The following ATP9B variants were observed in gnomAD, a reference collection of about 807,000 sequenced individuals.
ATP9B encodes the protein ATPase phospholipid transporting 9B.
In ATP9B, 110 loss-of-function variants were observed where a neutral mutation model predicts 146.1. The observed-to-expected ratio is 0.75, with a 90% confidence interval of 0.65 to 0.88. ATP9B has a LOEUF of 0.88. Among genes scored for constraint, ATP9B ranks in the 40% least tolerant of loss-of-function variants. The probability of loss-of-function intolerance (pLI) is 0.00; values close to 1 mark genes in which losing one functional copy is unlikely to be tolerated. For synonymous variants in ATP9B, 604 were observed against 569.7 expected, an observed-to-expected ratio of 1.06 and a Z score of -0.86; for missense variants, 1,499 against 1,496.4, an observed-to-expected ratio of 1.00 and a Z score of -0.03.
intron 28 of ATP9B, among the ~76,000 whole-genome samples, chr18:79,374,547 C>T (rs1373006074): frequency 1.3e-5 from 2 of 152,132 alleles, no homozygotes; most frequent in Admixed American, 6.5e-5. Context: ...CGCTGAGCCC[C>T]GTCGGTCACT....
In ATP9B at chr18:79,337,331, C is replaced by T. The variant is rs772479284; in HGVS notation, c.2165C>T (p.Ala722Val). Residue 722 changes from alanine to valine, a missense_variant, in exon 19 of 30, where the codon GCC (alanine) becomes GTC (valine). Coordinates refer to ENST00000426216, the MANE Select transcript of ATP9B (RefSeq NM_198531.5). Reference sequence around the variant, plus strand: ...ATGCACGACAGGTCCCTCAAGGTGGCCGCGGTAGTCGAGAGCCTGGAGAGG... The same window carrying T: ...ATGCACGACAGGTCCCTCAAGGTGGTCGCGGTAGTCGAGAGCCTGGAGAGG... ...LSMHDRSLKV[A>V]AVVESLEREM... 6.2e-7 allele frequency: 1 copy of T among 1,614,124 alleles called. No individual in the cohort carries two copies. The highest frequency in any genetic ancestry group is 1.1e-5 in the South Asian group (1 of 91,080).
At chr18:79,177,609 AT>A (rs2095193566) in intron 8 of ATP9B, among the ~76,000 whole-genome samples, 1 of 152,218 alleles carries the variant, frequency 6.6e-6, no homozygotes, top group Admixed American at 6.5e-5. Context: ...ATATTTGCCA[AT>A]TAAAAAGTAC....
intron 10 of ATP9B, among the ~76,000 whole-genome samples, chr18:79,211,893 A>G (rs904044022): frequency 1.3e-5 from 2 of 152,182 alleles, no homozygotes; most frequent in Non-Finnish European, 2.9e-5. Flanking sequence ...AATATGGGTT[A>G]AAGTTTTGGA....
intron 7 of ATP9B, among the ~76,000 whole-genome samples, chr18:79,164,437 T>C (rs1274715177): frequency 6.6e-6 from 1 of 152,116 alleles, no homozygotes. Context: ...AATTGGTGAC[T>C]GGGCATGGTG....
rs573504269 is a variant in ATP9B at position 79,128,379 on chromosome 18, T to G, written c.667+2004T>G. 2.0e-4 allele frequency among the ~76,000 whole-genome samples: 30 copies of G among 152,298 alleles called. No homozygotes were observed. The East Asian group carries it at 4.1e-3, about 21-fold the overall frequency. ...CCTTTTGCCAACTTTTTAACTGGGTTGTTTGATTCATTTTGTGTATGGGGT... is the reference window on the plus strand; with the variant it reads ...CCTTTTGCCAACTTTTTAACTGGGTGGTTTGATTCATTTTGTGTATGGGGT... On this transcript the variant is annotated intron_variant, in intron 5 of 29. Coordinates refer to ENST00000426216, the MANE Select transcript of ATP9B (RefSeq NM_198531.5).
At chr18:79,180,740 A>G (rs73486178) in intron 8 of ATP9B, among the ~76,000 whole-genome samples, 8,525 of 151,996 alleles carry the variant, frequency 0.056, 744 homozygotes, top group African/African-American at 0.19. Context: ...GAAATCTGCT[A>G]GAGATTGTCA....
chr18:79,096,737 T>TA (rs2074816231), intron 2 of ATP9B, 88 bp downstream of exon 2: 5 of 1,068,150 alleles, frequency 4.7e-6, no homozygotes, highest in Non-Finnish European at 6.6e-6. Flanking sequence ...TATATTAATA[T>TA]AAAAACTCAA....
chr18:79,142,602 A>G (rs1285823388), intron 5 of ATP9B, among the ~76,000 whole-genome samples: 1 of 152,212 alleles, frequency 6.6e-6, no homozygotes, highest in Non-Finnish European at 1.5e-5. Context: ...GCTCATAGGA[A>G]TTAAAGTGGA....
rs1309220459 is a variant in ATP9B at position 79,193,386 on chromosome 18, A to C, written c.954+123A>C. On this transcript the variant is annotated intron_variant, in intron 9 of 29. Coordinates refer to ENST00000426216, the MANE Select transcript of ATP9B (RefSeq NM_198531.5). The stretch of plus-strand genomic sequence containing the variant: ...AGAAGTTTCAAACTAGGAAGGGAAA[A>C]CCTATATAATGTTTGAAGTTCTTAA... The C allele has an allele frequency of 3.8e-6, 3 of 797,402 alleles. No homozygotes were observed. In the Admixed American group the frequency reaches 7.8e-5, roughly 21 times the overall value. 49.4% of individuals were successfully genotyped at this position (797,402 alleles called of 1,614,324 possible).
At chr18:79,258,026 A>G (rs1312668829) in intron 12 of ATP9B, among the ~76,000 whole-genome samples, 1 of 152,216 alleles carries the variant, frequency 6.6e-6, no homozygotes, top group Admixed American at 6.5e-5. Context: ...TTTCTTTAGT[A>G]AAATAACATA....
intron 24 of ATP9B, 76 bp from the exon 25 acceptor site, chr18:79,348,056 G>A (rs138168027): frequency 1.9e-6 from 3 of 1,602,916 alleles, no homozygotes; most frequent in South Asian, 1.1e-5. Flanking sequence ...AGGAGTTAGC[G>A]AGGCCCCTGA....
intron 12 of ATP9B, among the ~76,000 whole-genome samples, chr18:79,266,245 T>C (rs2096202631): frequency 6.6e-6 from 1 of 152,154 alleles, no homozygotes; most frequent in South Asian, 2.1e-4. Flanking sequence ...GTCGTAAATA[T>C]CGTTCTTAAA....
intron 12 of ATP9B, among the ~76,000 whole-genome samples, chr18:79,264,266 T>A (rs925649628): frequency 1.3e-5 from 2 of 152,220 alleles, no homozygotes; most frequent in Non-Finnish European, 2.9e-5. Context: ...GGGCTTCTCA[T>A]TGCAGTTTTA....
intron 15 of ATP9B, among the ~76,000 whole-genome samples, chr18:79,328,097 G>A (rs1478657742): frequency 8.0e-5 from 12 of 149,090 alleles, no homozygotes; most frequent in Non-Finnish European, 1.3e-4. Flanking sequence ...TCTGTGGTTA[G>A]CGTGCTCTCT....
At chr18:79,314,298 A>G (rs2146731988) in intron 15 of ATP9B, among the ~76,000 whole-genome samples, 1 of 152,342 alleles carries the variant, frequency 6.6e-6, no homozygotes, top group South Asian at 2.1e-4. Context: ...TTTAGTAAGT[A>G]GAGTGCCCTA....
intron 27 of ATP9B, among the ~76,000 whole-genome samples, 169 bp downstream of exon 27, chr18:79,373,051 C>CT (rs5826630): frequency 0.38 from 56,606 of 149,266 alleles, 10,750 homozygotes; most frequent in Middle Eastern, 0.54. Flanking sequence ...AACATGGGTC[C>CT]TTTTTTTTTT....
chr18:79,248,937 A>G (rs1218285736), intron 11 of ATP9B, among the ~76,000 whole-genome samples: 1 of 152,234 alleles, frequency 6.6e-6, no homozygotes, highest in East Asian at 1.9e-4. Flanking sequence ...ACTTTACAGC[A>G]TTCGACGTCT....
intron 9 of ATP9B, among the ~76,000 whole-genome samples, chr18:79,204,428 C>CT (rs368126611): frequency 6.6e-6 from 1 of 152,166 alleles, no homozygotes; most frequent in Non-Finnish European, 1.5e-5. Flanking sequence ...TAGTATTACT[C>CT]TTTTGACTCT....
Position 79,278,626 on chromosome 18 carries a change from C to CT in ATP9B, c.1411+1433dup, listed in dbSNP as rs1182088113. On this transcript the variant is annotated intron_variant, in intron 13 of 29. Transcript: ENST00000426216. ...GTCAGCTCTCATGATGAATTTGTAA[C>CT]TTTAGTGTAATTGAAAGTTCAGTTG... Among the ~76,000 whole-genome samples the CT allele has an allele frequency of 4.6e-5, 7 of 152,194 alleles. 1 individual carries two copies. Among genetic ancestry groups the CT allele is most frequent in the African/African-American group, 1.7e-4 (7 of 41,530 alleles).
Sources: allele counts gnomAD v4.1 joint callset (sites outside exome capture counted in the v4.1 genomes callset), GRCh38; gene constraint gnomAD v4.1.1; transcripts MANE v1.5; gene names NCBI Gene and HGNC (gene_info 2026-07-23, HGNC 2026-07-21).